Variants in SSH2 observed in about 807,000 individuals in gnomAD.
The protein encoded by SSH2 is slingshot protein phosphatase 2, also known as protein phosphatase Slingshot homolog 2.
SSH2 carries 37 observed loss-of-function variants against 135.2 expected under a neutral mutation model. The observed-to-expected ratio is 0.27, with a 90% confidence interval of 0.21 to 0.36. The LOEUF (loss-of-function observed/expected upper bound fraction) is 0.36, where lower values mean the gene tolerates loss of function less well. Ranked by LOEUF, SSH2 falls within the 10% of genes least tolerant of loss-of-function variation. The probability of loss-of-function intolerance (pLI) is 1.00; values close to 1 mark genes in which losing one functional copy is unlikely to be tolerated. For missense variants in SSH2, 1,408 were observed against 1,765.3 expected (o/e 0.80, Z 3.63); for synonymous variants, 628 against 646.2 (o/e 0.97, Z 0.43).
chr17:29,923,413 G>A (rs1361292180), intron 1 of SSH2, among the ~76,000 whole-genome samples: 1 of 152,194 alleles, frequency 6.6e-6, no homozygotes, highest in East Asian at 1.9e-4. Flanking sequence ...GAGCCCAGGA[G>A]TTCAAGACCA....
intron 3 of SSH2, among the ~76,000 whole-genome samples, chr17:29,761,887 A>ATTTTTTTTT (rs1157073718): frequency 1.4e-5 from 2 of 143,602 alleles, no homozygotes; most frequent in African/African-American, 5.3e-5. Context: ...ATATATATAT[A>ATTTTTTTTT]TTTTTTTTTG....
chr17:29,689,528 A>G (rs1261664538), intron 5 of SSH2, among the ~76,000 whole-genome samples: 1 of 152,216 alleles, frequency 6.6e-6, no homozygotes, highest in Non-Finnish European at 1.5e-5. Flanking sequence ...TCTAAACAAA[A>G]CAATTATTCT....
At chr17:29,801,006 C>G (rs147583430) in intron 2 of SSH2, among the ~76,000 whole-genome samples, 2,615 of 151,920 alleles carry the variant, frequency 0.017, 74 homozygotes, top group African/African-American at 0.06. Context: ...GCTGGGATTA[C>G]AGGTGTCTGC....
At chr17:29,860,777 G>A (rs941513602) in intron 1 of SSH2, among the ~76,000 whole-genome samples, 48 of 147,432 alleles carry the variant, frequency 3.3e-4, no homozygotes, top group Non-Finnish European at 6.2e-4. Context: ...ACAGAGTCTC[G>A]CTCTGTCCCC....
chr17:29,704,084 A>G (rs2039101608), intron 3 of SSH2, among the ~76,000 whole-genome samples: 1 of 152,244 alleles, frequency 6.6e-6, no homozygotes, highest in African/African-American at 2.4e-5. Context: ...CCTAGCATAC[A>G]GTAAAAAGCC....
In SSH2 at chr17:29,631,201, G is replaced by T. The variant is rs138275207; in HGVS notation, c.3993C>A (p.Asp1331Glu). The T allele has an allele frequency of 2.5e-6, 4 of 1,613,992 alleles. No individual in the cohort carries two copies. In the African/African-American group the frequency reaches 5.3e-5, roughly 22 times the overall value. ...CACCTGGGTTTTCTAGGGACTCTTG[G>T]TCCTCCATCGCGTGCATGCCTGAGT... ...RTDSGMHAMEDQESLENPGAP... is the reference protein window; with the variant it reads ...RTDSGMHAMEEQESLENPGAP... The change falls in exon 16 of 16, where the codon GAC becomes GAA. Residue 1331 changes from aspartate (D) to glutamate (E), a missense_variant. Coordinates refer to ENST00000540801, the MANE Select transcript of SSH2 (RefSeq NM_001282129.2).
chr17:29,783,636 A>G (rs923701679), intron 3 of SSH2, among the ~76,000 whole-genome samples: 33 of 152,020 alleles, frequency 2.2e-4, no homozygotes, highest in Admixed American at 2.1e-3. Context: ...CTTTTGCAAC[A>G]CCCTCACAGA....
intron 2 of SSH2, among the ~76,000 whole-genome samples, chr17:29,796,302 C>T (rs1249256915): frequency 2.6e-5 from 4 of 152,194 alleles, no homozygotes; most frequent in East Asian, 1.9e-4. Flanking sequence ...GATCTTATAG[C>T]GAACTTGTAT....
Position 29,660,398 on chromosome 17 carries a change from C to G in SSH2, c.1033-4791G>C, listed in dbSNP as rs375065672. Among the ~76,000 whole-genome samples, 5 of 151,992 alleles carry G rather than the reference C, an allele frequency of 3.3e-5. 1 individual carries two copies. Among genetic ancestry groups the G allele is most frequent in the African/African-American group, 9.6e-5 (4 of 41,464 alleles). The stretch of plus-strand genomic sequence containing the variant: ...TCTCCTGCCTCAGCCTCCCGAGTAG[C>G]TGGGACTACAGGTGTGCGCCACCAC... On this transcript the variant is annotated intron_variant, in intron 11 of 15. Transcript: ENST00000540801.
At chr17:29,927,169 C>T (rs1220863765) in intron 1 of SSH2, among the ~76,000 whole-genome samples, 1 of 152,166 alleles carries the variant, frequency 6.6e-6, no homozygotes, top group Non-Finnish European at 1.5e-5. Flanking sequence ...TATTGTTATA[C>T]TCTTATTATT....
At chr17:29,830,786 C>G (rs563471142) in intron 2 of SSH2, among the ~76,000 whole-genome samples, 11 of 152,150 alleles carry the variant, frequency 7.2e-5, no homozygotes, top group Non-Finnish European at 1.5e-4. Flanking sequence ...GTACCCAGGC[C>G]AGTTCTGCTC....
chr17:29,696,638 C>A (rs184706959), intron 4 of SSH2, among the ~76,000 whole-genome samples: 2,482 of 147,596 alleles, frequency 0.017, 38 homozygotes, highest in Non-Finnish European at 0.027. Context: ...CACACACACA[C>A]ACACACACAC....
chr17:29,855,083 T>A (rs1261305868), intron 1 of SSH2, among the ~76,000 whole-genome samples: 1 of 152,246 alleles, frequency 6.6e-6, no homozygotes, highest in East Asian at 1.9e-4. Flanking sequence ...ACATTTACTA[T>A]TTCTTTCCTC....
chr17:29,750,723 T>C (rs898862201), intron 3 of SSH2, among the ~76,000 whole-genome samples: 1 of 151,508 alleles, frequency 6.6e-6, no homozygotes, highest in East Asian at 2.0e-4. Context: ...ATTTTTAAAA[T>C]GTATTTTTTT....
intron 1 of SSH2, 81 bp downstream of exon 1, chr17:29,929,857 G>T (rs2067151921): frequency 1.3e-5 from 18 of 1,358,606 alleles, no homozygotes; most frequent in Non-Finnish European, 1.7e-5. Context: ...CGCGTGCGCA[G>T]TGGCGTTCGG....
chr17:29,839,499 T>A (rs1717530939), intron 2 of SSH2, among the ~76,000 whole-genome samples: 1 of 152,226 alleles, frequency 6.6e-6, no homozygotes, highest in African/African-American at 2.4e-5. Context: ...TAACAGTGTA[T>A]CTTTACAATA....
At chr17:29,892,003 G>T (rs2066358372) in intron 1 of SSH2, among the ~76,000 whole-genome samples, 3 of 151,572 alleles carry the variant, frequency 2.0e-5, no homozygotes, top group Admixed American at 1.3e-4. Flanking sequence ...ATTTACAAAA[G>T]AAATTCTAAA....
intron 1 of SSH2, among the ~76,000 whole-genome samples, chr17:29,921,694 A>G (rs1199635845): frequency 6.6e-6 from 1 of 151,862 alleles, no homozygotes; most frequent in Non-Finnish European, 1.5e-5. Context: ...CTCCTGCCTC[A>G]GTAGGAGTAG....
In SSH2 at chr17:29,700,032, T is replaced by C. The variant is rs182432355; in HGVS notation, c.292+2927A>G. Among the ~76,000 whole-genome samples the C allele has an allele frequency of 4.7e-4, 71 of 152,258 alleles. 1 individual carries two copies. The highest frequency in any genetic ancestry group is 8.1e-4 in the Non-Finnish European group (55 of 68,020). ...CTGAGCTGCCACAGTTGCAACTAGG[T>C]GAAGGCCCAAACAAGTAGTAGGGCA... On this transcript the variant is annotated intron_variant, in intron 4 of 15. Coordinates refer to ENST00000540801, the MANE Select transcript of SSH2 (RefSeq NM_001282129.2).
Sources: allele counts gnomAD v4.1 joint callset (sites outside exome capture counted in the v4.1 genomes callset), GRCh38; gene constraint gnomAD v4.1.1; transcripts MANE v1.5; gene names NCBI Gene and HGNC (gene_info 2026-07-23, HGNC 2026-07-21).